The following RAD51C variants were observed in gnomAD, a reference collection of about 807,000 sequenced individuals.
The protein encoded by RAD51C is RAD51 paralog C, also known as DNA repair protein RAD51 homolog 3.
In RAD51C, 42 loss-of-function variants were observed where a neutral mutation model predicts 45.0. The ratio of observed to expected loss-of-function variants is 0.93; its 90% confidence interval spans 0.73 to 1.21. The LOEUF (loss-of-function observed/expected upper bound fraction) is 1.21. Ranked by LOEUF, RAD51C falls within the 50% of genes most tolerant of loss-of-function variation. RAD51C has a pLI of 0.00. For missense variants in RAD51C, 474 were observed against 452.2 expected (o/e 1.05, Z -0.44); for synonymous variants, 172 against 159.8 (o/e 1.08, Z -0.58).
Position 58,692,632 on chromosome 17 carries a change from G to C in RAD51C, c.-12G>C, listed in dbSNP as rs2143670187. The stretch of plus-strand genomic sequence containing the variant: ...GAGTTTGGCTGCTCCGGGGTTAGCA[G>C]GTGAGCCTGCGATGCGCGGGAAGAC... On this transcript the variant is annotated 5_prime_UTR_variant, in exon 1 of 9. Coordinates refer to ENST00000337432, the MANE Select transcript of RAD51C (RefSeq NM_058216.3). 6.2e-7 allele frequency: 1 copy of C among 1,613,942 alleles called. No homozygotes were observed. Among genetic ancestry groups the C allele is most frequent in the East Asian group, 2.2e-5 (1 of 44,880 alleles).
chr17:58,727,155 G>A (rs929686706), intron 7 of RAD51C, among the ~76,000 whole-genome samples: 36 of 137,420 alleles, frequency 2.6e-4, no homozygotes, highest in African/African-American at 9.9e-4. Context: ...AGGGAGTTTC[G>A]CTCTTTTTGC....
intron 6 of RAD51C, among the ~76,000 whole-genome samples, chr17:58,723,105 A>G (rs2048978503): frequency 6.6e-6 from 1 of 152,184 alleles, no homozygotes; most frequent in South Asian, 2.1e-4. Context: ...ATCTAGCATA[A>G]AACAAATTGG....
intron 5 of RAD51C, among the ~76,000 whole-genome samples, chr17:58,710,774 C>T (rs904766425): frequency 6.6e-6 from 1 of 151,960 alleles, no homozygotes; most frequent in Non-Finnish European, 1.5e-5. Flanking sequence ...AATATCGGCT[C>T]AGAAGGGAAG....
At chr17:58,699,276 G>C (rs1407955675) in intron 3 of RAD51C, among the ~76,000 whole-genome samples, 1 of 152,134 alleles carries the variant, frequency 6.6e-6, no homozygotes, top group Non-Finnish European at 1.5e-5. Flanking sequence ...AAAGTGCTGG[G>C]ATTACAGGCA....
intron 3 of RAD51C, 54 bp downstream of exon 3, chr17:58,696,913 T>G (rs1341624579): frequency 1.0e-5 from 16 of 1,589,950 alleles, no homozygotes; most frequent in Non-Finnish European, 1.4e-5. Context: ...TAATTTGCAT[T>G]TGTGCCCATC....
intron 7 of RAD51C, among the ~76,000 whole-genome samples, chr17:58,731,296 T>G (rs1310691668): frequency 6.6e-6 from 1 of 151,826 alleles, no homozygotes; most frequent in Non-Finnish European, 1.5e-5. Context: ...TTCACTCTTT[T>G]TTGCCCAGGC....
Position 58,710,317 on chromosome 17 carries a change from TAAAAA to T in RAD51C, c.837+347_837+351del, listed in dbSNP as rs71143280. On this transcript the variant is annotated intron_variant, in intron 5 of 8. Transcript: ENST00000337432. ...CAACATGGTGAAACCCTGTCTCTAC[TAAAAA>T]AAAAAAAAAAAAAAAAAAACCAAAA... Among the ~76,000 whole-genome samples, 3 of 67,426 alleles carry T rather than the reference TAAAAA, an allele frequency of 4.4e-5. No homozygotes were observed. In the Admixed American group the frequency reaches 5.8e-4, roughly 13 times the overall value. 44.2% of individuals were successfully genotyped at this position (67,426 alleles called of 152,430 possible).
At chr17:58,699,628 A>G (rs2048142557) in intron 3 of RAD51C, among the ~76,000 whole-genome samples, 1 of 152,226 alleles carries the variant, frequency 6.6e-6, no homozygotes, top group African/African-American at 2.4e-5. Context: ...TCCTAAAAAC[A>G]GGACATAAAT....
intron 5 of RAD51C, among the ~76,000 whole-genome samples, chr17:58,710,328 A>C (rs945749601): frequency 3.9e-4 from 59 of 150,372 alleles, no homozygotes; most frequent in African/African-American, 1.4e-3. Context: ...AAAAAAAAAA[A>C]AAAAAAAAAA....
chr17:58,718,168 T>G (rs547565771), intron 5 of RAD51C, among the ~76,000 whole-genome samples: 1 of 152,174 alleles, frequency 6.6e-6, no homozygotes, highest in African/African-American at 2.4e-5. Context: ...GGCTAATTTT[T>G]TGTAATTTTG....
chr17:58,721,613 G>A lies in RAD51C; in HGVS notation c.904+801G>A, dbSNP rs9903740. Among the ~76,000 whole-genome samples the A allele has an allele frequency of 8.9e-4, 136 of 151,994 alleles. 1 individual carries two copies. The highest frequency in any genetic ancestry group is 3.2e-3 in the African/African-American group (133 of 41,460). On this transcript the variant is annotated intron_variant, in intron 6 of 8. Transcript: ENST00000337432. ...CATCTCTATTAAAAATACAAAATTA[G>A]ATGAGCATGGTGGCACATTCCTGTA...
At chr17:58,699,791 G>A (rs1342988052) in intron 3 of RAD51C, 1 of 151,962 alleles carries the variant, frequency 6.6e-6, no homozygotes, top group African/African-American at 2.4e-5. Flanking sequence ...GAGACTTAGG[G>A]TCCTTTTCCT....
rs2047797645 is a variant in RAD51C, at chr17:58,692,648, G to A, written c.5G>A (p.Arg2His). The A allele has an allele frequency of 6.2e-7, 1 of 1,614,160 alleles. No homozygotes were observed. The highest frequency in any genetic ancestry group is 1.3e-5 in the African/African-American group (1 of 75,070). The stretch of plus-strand genomic sequence containing the variant: ...GGGTTAGCAGGTGAGCCTGCGATGC[G>A]CGGGAAGACGTTCCGCTTTGAAATG... M[R>H]GKTFRFEMQR... Residue 2 changes from arginine to histidine, a missense_variant, in exon 1 of 9, where the codon CGC (arginine) becomes CAC (histidine). Transcript: ENST00000337432.
chr17:58,693,708 A>C (rs1802271878), intron 1 of RAD51C: 1 of 152,132 alleles, frequency 6.6e-6, no homozygotes, highest in African/African-American at 2.4e-5. Flanking sequence ...GATGGTCTTG[A>C]TATTCTACCA....
chr17:58,732,823 A>C (rs1345194917), intron 8 of RAD51C: 1 of 362,560 alleles, frequency 2.8e-6, no homozygotes, highest in Non-Finnish European at 5.1e-6. Context: ...CTTTAAAGTG[A>C]AAGTTGTTGA....
chr17:58,729,946 T>G (rs1348382777), intron 7 of RAD51C, among the ~76,000 whole-genome samples: 3 of 152,120 alleles, frequency 2.0e-5, no homozygotes, highest in East Asian at 3.9e-4. Context: ...TCAGGATAGA[T>G]GTACTAGGCA....
chr17:58,726,359 C>A (rs1376655553), intron 7 of RAD51C, among the ~76,000 whole-genome samples: 1 of 149,682 alleles, frequency 6.7e-6, no homozygotes, highest in Admixed American at 6.7e-5. Flanking sequence ...GTGCAAAGCA[C>A]TGTATGTATA....
At chr17:58,724,912 G>A (rs2049060320) in intron 7 of RAD51C, among the ~76,000 whole-genome samples, 1 of 152,056 alleles carries the variant, frequency 6.6e-6, no homozygotes, top group Non-Finnish European at 1.5e-5. Flanking sequence ...ATACATATTG[G>A]GCCTAGCCAG....
intron 7 of RAD51C, among the ~76,000 whole-genome samples, chr17:58,729,361 G>T (rs763990820): frequency 1.3e-5 from 2 of 151,824 alleles, no homozygotes; most frequent in Admixed American, 6.6e-5. Flanking sequence ...GGGATTACAG[G>T]CATGCACCAC....
Sources: gnomAD v4.1 joint callset for allele counts (sites outside exome capture counted in the v4.1 genomes callset) on GRCh38, gnomAD v4.1.1 for gene constraint, MANE v1.5 for transcripts, NCBI Gene and HGNC (gene_info 2026-07-23, HGNC 2026-07-21) for gene names.